The following TDRD7 variants were observed in gnomAD, a reference collection of about 807,000 sequenced individuals.
The protein encoded by TDRD7 is tudor domain containing 7.
TDRD7 carries 47 observed loss-of-function variants against 109.8 expected under a neutral mutation model. That is an observed-to-expected ratio of 0.43 (90% CI 0.34 to 0.55). The LOEUF is 0.55. Among genes scored for constraint, TDRD7 ranks in the 20% least tolerant of loss-of-function variants. The pLI is 0.03. For synonymous variants in TDRD7, 424 were observed against 457.3 expected, an observed-to-expected ratio of 0.93 and a Z score of 0.93; for missense variants, 1,164 against 1,319.2, an observed-to-expected ratio of 0.88 and a Z score of 1.82.
chr9:97,451,717 G>A (rs563078325), intron 6 of TDRD7, among the ~76,000 whole-genome samples: 3 of 152,352 alleles, frequency 2.0e-5, no homozygotes, highest in East Asian at 1.9e-4. Context: ...TTCCAGAGCC[G>A]CAGGCTTGTA....
chr9:97,480,924 G>A lies in TDRD7; in HGVS notation c.2398G>A (p.Asp800Asn), dbSNP rs1829105422. Reference sequence around the variant, plus strand: ...AAGAGATTCTGTTTTGAATTGCTCGGACTGTAGCATTAAGGTTAGCTATCT... The same window carrying A: ...AAGAGATTCTGTTTTGAATTGCTCGAACTGTAGCATTAAGGTTAGCTATCT... ...WLRDSVLNCSDCSIKVTKVDE... is the reference protein window; with the variant it reads ...WLRDSVLNCSNCSIKVTKVDE... The change falls in exon 14 of 17, where the codon GAC (aspartate) becomes AAC (asparagine). Residue 800 changes from aspartate (D) to asparagine (N), a missense_variant. Physicochemically the swap from Asp to Asn is conservative, Grantham distance 23. Transcript: ENST00000355295. 6.2e-7 allele frequency: 1 copy of A among 1,613,970 alleles called. No homozygotes were observed. Among genetic ancestry groups the A allele is most frequent in the East Asian group, 2.2e-5 (1 of 44,862 alleles).
chr9:97,483,168 G>A lies in TDRD7; in HGVS notation c.2732G>A (p.Gly911Glu). Residue 911 changes from glycine (G) to glutamate (E), a missense_variant, in exon 15 of 17, where the codon GGG becomes GAG. Coordinates refer to ENST00000355295, the MANE Select transcript of TDRD7 (RefSeq NM_014290.3). Reference protein sequence around the residue: ...LPPPVHLSKPGEHMDVYVPVA... With the variant: ...LPPPVHLSKPEEHMDVYVPVA... ...CCTCCTGTCCACTTATCAAAGCCAG[G>A]GGAACACATGGATGTGTATGTGCCT... is the stretch of plus-strand genomic sequence containing the variant. The A allele has an allele frequency of 6.2e-7, 1 of 1,614,146 alleles. No individual in the cohort carries two copies. The highest frequency in any genetic ancestry group is 8.5e-7 in the Non-Finnish European group (1 of 1,180,012).
chr9:97,483,709 A>G (rs909528472), intron 15 of TDRD7, among the ~76,000 whole-genome samples: 1 of 152,026 alleles, frequency 6.6e-6, no homozygotes, highest in Non-Finnish European at 1.5e-5. Context: ...TAAAAAAAGC[A>G]TAAGAAATTA....
chr9:97,440,569 C>T (rs770180001), intron 5 of TDRD7, among the ~76,000 whole-genome samples: 1 of 152,188 alleles, frequency 6.6e-6, no homozygotes, highest in Non-Finnish European at 1.5e-5. Context: ...CTTCTCTTCT[C>T]TGTGCCAATC....
chr9:97,417,525 T>C (rs932271518), intron 1 of TDRD7, among the ~76,000 whole-genome samples: 31 of 152,126 alleles, frequency 2.0e-4, no homozygotes, highest in African/African-American at 7.2e-4. Context: ...AGTGAAGGAA[T>C]TGTAGACATC....
chr9:97,414,418 A>G (rs1827778701), intron 1 of TDRD7, among the ~76,000 whole-genome samples: 1 of 152,196 alleles, frequency 6.6e-6, no homozygotes, highest in South Asian at 2.1e-4. Context: ...ACATATTTGG[A>G]CCTTATTTCA....
chr9:97,415,095 T>A (rs1350062782), intron 1 of TDRD7, among the ~76,000 whole-genome samples: 1 of 152,234 alleles, frequency 6.6e-6, no homozygotes, highest in Non-Finnish European at 1.5e-5. Context: ...AACATCTAAC[T>A]AAAAGAAGCT....
chr9:97,473,862 T>C (rs1389843161), intron 11 of TDRD7, among the ~76,000 whole-genome samples: 4 of 152,186 alleles, frequency 2.6e-5, no homozygotes, highest in African/African-American at 9.6e-5. Flanking sequence ...CCCTATAGGA[T>C]TGTCCTGAGG....
At chr9:97,416,338 G>C (rs966122128) in intron 1 of TDRD7, among the ~76,000 whole-genome samples, 1 of 152,128 alleles carries the variant, frequency 6.6e-6, no homozygotes, top group Non-Finnish European at 1.5e-5. Flanking sequence ...GAAAAATTTC[G>C]TGAAACCTCA....
chr9:97,424,362 C>T (rs62557501), intron 1 of TDRD7, among the ~76,000 whole-genome samples: 11,112 of 152,042 alleles, frequency 0.073, 652 homozygotes, highest in African/African-American at 0.17. Flanking sequence ...GGCCAGCTCT[C>T]TTATTTTCTT....
At chr9:97,452,181 T>G (rs1416076781) in intron 6 of TDRD7, among the ~76,000 whole-genome samples, 1 of 152,080 alleles carries the variant, frequency 6.6e-6, no homozygotes, top group African/African-American at 2.4e-5. Flanking sequence ...GCCACTGCAC[T>G]CTAGCCTGGG....
intron 3 of TDRD7, 81 bp from the exon 4 acceptor site, chr9:97,431,944 A>G: frequency 7.8e-7 from 1 of 1,287,494 alleles, no homozygotes; most frequent in Non-Finnish European, 1.1e-6. Flanking sequence ...CCCACAGAAA[A>G]CATCTGGTCA....
chr9:97,482,576 T>C (rs1403822838), intron 14 of TDRD7, among the ~76,000 whole-genome samples: 1 of 152,222 alleles, frequency 6.6e-6, no homozygotes, highest in Non-Finnish European at 1.5e-5. Context: ...TTTCTGTCAA[T>C]GATAATGACC....
chr9:97,415,163 G>T (rs559034227), intron 1 of TDRD7, among the ~76,000 whole-genome samples: 31 of 152,320 alleles, frequency 2.0e-4, no homozygotes, highest in African/African-American at 7.2e-4. Context: ...TTTGTTTTAA[G>T]ATTTAGTGCC....
chr9:97,487,828 CAGT>C (rs1462507484), intron 16 of TDRD7, among the ~76,000 whole-genome samples: 1 of 152,008 alleles, frequency 6.6e-6, no homozygotes, highest in African/African-American at 2.4e-5. Context: ...TTATAATAAC[CAGT>C]AGGAGGATCA....
At chr9:97,445,231 T>C (rs1163093390) in intron 6 of TDRD7, among the ~76,000 whole-genome samples, 1 of 152,206 alleles carries the variant, frequency 6.6e-6, no homozygotes, top group Non-Finnish European at 1.5e-5. Flanking sequence ...GCAACACCTC[T>C]TGGCTGTTCT....
At chr9:97,465,086 A>G (rs1045593223) in intron 8 of TDRD7, 58 bp downstream of exon 8, 13 of 1,545,618 alleles carry the variant, frequency 8.4e-6, no homozygotes, top group Admixed American at 4.0e-5. Context: ...TTATTTTCCA[A>G]ATGTAAATAT....
At chr9:97,415,110 G>C (rs1431643133) in intron 1 of TDRD7, among the ~76,000 whole-genome samples, 1 of 152,204 alleles carries the variant, frequency 6.6e-6, no homozygotes, top group Non-Finnish European at 1.5e-5. Flanking sequence ...GAAGCTAAGA[G>C]AGATTACTTG....
intron 2 of TDRD7, among the ~76,000 whole-genome samples, chr9:97,430,042 C>G (rs1306183454): frequency 1.3e-5 from 2 of 151,926 alleles, no homozygotes; most frequent in African/African-American, 4.8e-5. Flanking sequence ...AATACTGGGC[C>G]AAAGAGTAGG....
Sources: allele counts gnomAD v4.1 joint callset (sites outside exome capture counted in the v4.1 genomes callset), GRCh38; gene constraint gnomAD v4.1.1; transcripts MANE v1.5; gene names NCBI Gene and HGNC (gene_info 2026-07-23, HGNC 2026-07-21).